Variants in JAKMIP1 observed in about 807,000 individuals in gnomAD.
The protein encoded by JAKMIP1 is janus kinase and microtubule-interacting protein 1.
In JAKMIP1, 33 loss-of-function variants were observed where a neutral mutation model predicts 113.0. The ratio of observed to expected loss-of-function variants is 0.29; its 90% confidence interval spans 0.22 to 0.39. The LOEUF is 0.39. JAKMIP1 is among the 10% of genes least tolerant of loss of function. The pLI, the probability that JAKMIP1 is intolerant of heterozygous loss-of-function variation, is 1.00. For missense variants in JAKMIP1, 813 were observed against 1,080.5 expected (o/e 0.75, Z 3.47); for synonymous variants, 480 against 459.9 (o/e 1.04, Z -0.56).
rs1036463448 is a variant in JAKMIP1, at chr4:6,106,804, C to T, written c.130-837G>A. Among the ~76,000 whole-genome samples the T allele has an allele frequency of 1.3e-5, 2 of 152,186 alleles. No homozygotes were observed. Among genetic ancestry groups the T allele is most frequent in the African/African-American group, 2.4e-5 (1 of 41,430 alleles). ...CAAATATCACTCAACACACATTCCA[C>T]AGGAACGCCTGACAAGCCCTTATTT... On this transcript the variant is annotated intron_variant, in intron 2 of 20. Transcript: ENST00000409021. This position sits in a 1 kb window ranked among gnomAD's most constrained non-coding sequence, Gnocchi z 5.9.
rs572457624 is a variant in JAKMIP1 at position 6,035,062 on chromosome 4, G to A, written c.2379+842C>T. On this transcript the variant is annotated intron_variant, in intron 19 of 20. Coordinates refer to ENST00000409021, the MANE Select transcript of JAKMIP1 (RefSeq NM_001099433.2). ...CTGCCCTCCAGATTGTGAACTTGCC[G>A]ATCTTTATCTACAGTTGCGTGAGGC... 1.2e-3 allele frequency among the ~76,000 whole-genome samples: 179 copies of A among 152,226 alleles called. 2 individuals carry two copies. The highest frequency in any genetic ancestry group is 4.1e-3 in the African/African-American group (170 of 41,536).
At chr4:6,056,866 G>T (rs1716544913) in intron 11 of JAKMIP1, 107 bp from the exon 12 acceptor site, 3 of 785,356 alleles carry the variant, frequency 3.8e-6, no homozygotes, top group Non-Finnish European at 4.4e-6. Flanking sequence ...CCATGGAAAG[G>T]TCATAAAAAA....
rs1383376856 is a variant in JAKMIP1 at position 6,076,164 on chromosome 4, G to T, written c.1302+2775C>A. 6.6e-6 allele frequency among the ~76,000 whole-genome samples: 1 copy of T among 151,966 alleles called. No individual in the cohort carries two copies. The highest frequency in any genetic ancestry group is 1.5e-5 in the Non-Finnish European group (1 of 67,992). ...GCACTCCAGCCCAGGCAACAAGAGC[G>T]AAACTCCATCTCAAAAAAAATTAGT... On this transcript the variant is annotated intron_variant, in intron 8 of 20. Coordinates refer to ENST00000409021, the MANE Select transcript of JAKMIP1 (RefSeq NM_001099433.2). This position sits in a 1 kb window ranked among gnomAD's most constrained non-coding sequence, Gnocchi z 4.8.
intron 5 of JAKMIP1, among the ~76,000 whole-genome samples, chr4:6,082,112 T>A (rs1437086741): frequency 6.6e-6 from 1 of 152,016 alleles, no homozygotes; most frequent in Non-Finnish European, 1.5e-5. Context: ...ACCTTCCCCA[T>A]CCGCATTTTA....
At chr4:6,132,139 T>C (rs34901778) in intron 1 of JAKMIP1, among the ~76,000 whole-genome samples, 1 of 152,088 alleles carries the variant, frequency 6.6e-6, no homozygotes, top group African/African-American at 2.4e-5. Context: ...GTACAGCTTA[T>C]GGATAAGAGC....
At chr4:6,096,804 C>G in intron 3 of JAKMIP1, among the ~76,000 whole-genome samples, 1 of 152,156 alleles carries the variant, frequency 6.6e-6, no homozygotes, top group East Asian at 1.9e-4. Context: ...GGACCCAAGT[C>G]TAAACATGAA....
In JAKMIP1 at chr4:6,105,509, G is replaced by A. The variant is rs1452955528; in HGVS notation, c.588C>T (p.Arg196=). The A allele has an allele frequency of 2.5e-6, 4 of 1,609,896 alleles. No homozygotes were observed. The highest frequency in any genetic ancestry group is 4.5e-5 in the East Asian group (2 of 44,828). The change falls in exon 3 of 21, where the codon CGC becomes CGT. Residue 196 remains arginine (R), a synonymous_variant. Coordinates refer to ENST00000409021, the MANE Select transcript of JAKMIP1 (RefSeq NM_001099433.2). ...AYQAHQDEVH[R]IKRECERDIR... ...TGTCGCGCTCGCACTCGCGCTTGAT[G>A]CGGTGCACCTCGTCTTGGTGCGCCT... is the stretch of plus-strand genomic sequence containing the variant.
intron 1 of JAKMIP1, among the ~76,000 whole-genome samples, chr4:6,191,617 C>T (rs1350050523): frequency 1.3e-5 from 2 of 152,170 alleles, no homozygotes; most frequent in Non-Finnish European, 2.9e-5. Context: ...TCACAGACCT[C>T]ATAGAAGGCA....
intron 2 of JAKMIP1, among the ~76,000 whole-genome samples, chr4:6,111,588 C>T (rs1437855765): frequency 1.3e-5 from 2 of 152,224 alleles, no homozygotes; most frequent in East Asian, 3.8e-4. Flanking sequence ...GATGAGAAGA[C>T]AGAGGTTTCG....
intron 5 of JAKMIP1, among the ~76,000 whole-genome samples, chr4:6,083,081 C>T (rs919135237): frequency 6.6e-6 from 1 of 152,112 alleles, no homozygotes. Context: ...TTAAGAACCA[C>T]TCCAAACTAG....
rs180793363 is a variant in JAKMIP1, at chr4:6,157,060, G to A, written c.-148+43193C>T. On this transcript the variant is annotated intron_variant, in intron 1 of 20. Transcript: ENST00000409021. This position sits in a 1 kb window ranked among gnomAD's most constrained non-coding sequence, Gnocchi z 4.7. Reference sequence around the variant, plus strand: ...TGAATGGATTAATGCCATTATTGCCGGAGTGGATTCCTGATAAAAAGCTGA... The same window carrying A: ...TGAATGGATTAATGCCATTATTGCCAGAGTGGATTCCTGATAAAAAGCTGA... Among the ~76,000 whole-genome samples the A allele has an allele frequency of 4.7e-4, 71 of 152,260 alleles. No homozygotes were observed. Among genetic ancestry groups the A allele is most frequent in the Non-Finnish European group, 9.0e-4 (61 of 68,022 alleles).
rs1250559307 is a variant in JAKMIP1 at position 6,067,475 on chromosome 4, C to G, written c.1303-2467G>C. Among the ~76,000 whole-genome samples the G allele has an allele frequency of 2.0e-5, 3 of 152,170 alleles. No individual in the cohort carries two copies. Among genetic ancestry groups the G allele is most frequent in the Non-Finnish European group, 4.4e-5 (3 of 68,030 alleles). ...TCAAATCTCCCCTCTGGATGAGAAC[C>G]CCACCCGACTTCAGGCATCATGGAC... On this transcript the variant is annotated intron_variant, in intron 8 of 20. Transcript: ENST00000409021. The surrounding 1 kb of genome is among the most constrained non-coding windows in gnomAD (Gnocchi z 4.6).
rs1720350953 is a variant in JAKMIP1 at position 6,080,512 on chromosome 4, G to A, written c.1102-200C>T. ...GGCTCCCAGAACTCCCGTGTGTTGT[G>A]GGAGGGGCCAGGTGGGAGATCATTG... On this transcript the variant is annotated intron_variant, in intron 6 of 20. Coordinates refer to ENST00000409021, the MANE Select transcript of JAKMIP1 (RefSeq NM_001099433.2). This position sits in a 1 kb window ranked among gnomAD's most constrained non-coding sequence, Gnocchi z 6.0. Among the ~76,000 whole-genome samples the A allele has an allele frequency of 6.6e-6, 1 of 152,140 alleles. No homozygotes were observed. Among genetic ancestry groups the A allele is most frequent in the Non-Finnish European group, 1.5e-5 (1 of 68,024 alleles).
In JAKMIP1 at chr4:6,156,793, G is replaced by A. The variant is rs1311954142; in HGVS notation, c.-148+43460C>T. Among the ~76,000 whole-genome samples the A allele has an allele frequency of 6.6e-6, 1 of 152,226 alleles. No homozygotes were observed. Among genetic ancestry groups the A allele is most frequent in the African/African-American group, 2.4e-5 (1 of 41,454 alleles). On this transcript the variant is annotated intron_variant, in intron 1 of 20. Coordinates refer to ENST00000409021, the MANE Select transcript of JAKMIP1 (RefSeq NM_001099433.2). The surrounding 1 kb of genome is among the most constrained non-coding windows in gnomAD (Gnocchi z 5.0). ...ACTGTCCCCAGATGTCTGGTCTTGG[G>A]AATCTCATGGCCACACCTGGCACAT...
In JAKMIP1 at chr4:6,049,567, G is replaced by A. The variant is rs183549995; in HGVS notation, c.1962+252C>T. On this transcript the variant is annotated intron_variant, in intron 15 of 20. Transcript: ENST00000409021. The surrounding 1 kb of genome is among the most constrained non-coding windows in gnomAD (Gnocchi z 7.0). The stretch of plus-strand genomic sequence containing the variant: ...CTCGTGTGACTCCACCTGCATTCTG[G>A]GTAGGGATTCTGAGGCTTTCCCGTC... Among the ~76,000 whole-genome samples, 1,326 of 151,810 alleles carry A rather than the reference G, an allele frequency of 8.7e-3. 4 individuals carry two copies. The highest frequency in any genetic ancestry group is 0.013 in the Non-Finnish European group (851 of 67,964).
rs71173403 is a variant in JAKMIP1 at position 6,080,984 on chromosome 4, TACACAC to T, written c.1101+619_1101+624del. ...GGAGAGGACTTCACACAACAGCAAT[TACACAC>T]ACACACACACACACACACACACACC... On this transcript the variant is annotated intron_variant, in intron 6 of 20. Coordinates refer to ENST00000409021, the MANE Select transcript of JAKMIP1 (RefSeq NM_001099433.2). The surrounding 1 kb of genome is among the most constrained non-coding windows in gnomAD (Gnocchi z 6.0). Among the ~76,000 whole-genome samples, 4 of 140,982 alleles carry T rather than the reference TACACAC, an allele frequency of 2.8e-5. No individual in the cohort carries two copies. Among genetic ancestry groups the T allele is most frequent in the Non-Finnish European group, 4.5e-5 (3 of 66,100 alleles). The allele number at this position is 140,982 out of a possible 152,430, so 92.5% of individuals were successfully genotyped here.
intron 1 of JAKMIP1, among the ~76,000 whole-genome samples, chr4:6,131,400 A>T (rs1448897489): frequency 6.6e-6 from 1 of 151,476 alleles, no homozygotes; most frequent in Admixed American, 6.6e-5. Flanking sequence ...TACACTTAGC[A>T]TATCATATGC....
At position 6,081,509 on chromosome 4, in the gene JAKMIP1, C is replaced by A; in HGVS notation, c.1101+100G>T. On this transcript the variant is annotated intron_variant, in intron 6 of 20. Coordinates refer to ENST00000409021, the MANE Select transcript of JAKMIP1 (RefSeq NM_001099433.2). The surrounding 1 kb of genome is among the most constrained non-coding windows in gnomAD (Gnocchi z 4.6). ...TGGTGCTTTGTGGGGAGGTGGGCAGCAGGTGCGCCCCAGAACATGTGAATC... is the reference window on the plus strand; with the variant it reads ...TGGTGCTTTGTGGGGAGGTGGGCAGAAGGTGCGCCCCAGAACATGTGAATC... 1 of 1,344,568 alleles carries A rather than the reference C, an allele frequency of 7.4e-7. No homozygotes were observed. The highest frequency in any genetic ancestry group is 2.3e-5 in the East Asian group (1 of 43,206). 83.3% of individuals were successfully genotyped at this position (1,344,568 alleles called of 1,614,324 possible).
intron 2 of JAKMIP1, among the ~76,000 whole-genome samples, chr4:6,111,196 T>C (rs1027713768): frequency 5.9e-5 from 9 of 152,268 alleles, no homozygotes; most frequent in Admixed American, 5.9e-4. Flanking sequence ...ATTGGCGACC[T>C]GAGTCCCAGC....
Sources: allele counts gnomAD v4.1 joint callset (sites outside exome capture counted in the v4.1 genomes callset), GRCh38; gene constraint gnomAD v4.1.1; non-coding constraint Gnocchi (gnomAD v3.1); transcripts MANE v1.5; gene names NCBI Gene and HGNC (gene_info 2026-07-23, HGNC 2026-07-21).